REC114: variants seen among roughly 807,000 people sequenced by gnomAD.
REC114 encodes meiotic recombination protein REC114.
A neutral mutation model predicts 31.3 loss-of-function variants in REC114; 27 were observed. The ratio of observed to expected loss-of-function variants is 0.86; its 90% CI spans 0.64 to 1.19. REC114 has a LOEUF of 1.19. Ranked by LOEUF, REC114 falls within the 50% of genes most tolerant of loss-of-function variation. The pLI is 0.00. For synonymous variants in REC114, 134 were observed against 127.7 expected, an observed-to-expected ratio of 1.05 and a Z score of -0.33; for missense variants, 344 against 326.9, an observed-to-expected ratio of 1.05 and a Z score of -0.40.
chr15:73,471,890 T>C (rs973731431), intron 1 of REC114, among the ~76,000 whole-genome samples: 1 of 152,162 alleles, frequency 6.6e-6, no homozygotes, highest in Admixed American at 6.5e-5. Flanking sequence ...AATAATTCTT[T>C]ATGATTCCAC....
At chr15:73,528,944 C>G (rs1270355315) in intron 2 of REC114, among the ~76,000 whole-genome samples, 2 of 151,986 alleles carry the variant, frequency 1.3e-5, no homozygotes, top group Non-Finnish European at 2.9e-5. Context: ...TGACAAGTAT[C>G]ACAATATGTG....
chr15:73,481,916 C>G (rs1358764005), intron 2 of REC114, among the ~76,000 whole-genome samples: 3 of 152,056 alleles, frequency 2.0e-5, no homozygotes, highest in Admixed American at 6.6e-5. Context: ...ACCTCGGCCT[C>G]CCAAAGTGCT....
chr15:73,553,072 C>T (rs1894414184), intron 4 of REC114, among the ~76,000 whole-genome samples: 1 of 152,208 alleles, frequency 6.6e-6, no homozygotes, highest in African/African-American at 2.4e-5. Flanking sequence ...TCCTCGGCCT[C>T]CCAAAGTGCT....
At chr15:73,452,784 T>G (rs1892868614) in intron 1 of REC114, among the ~76,000 whole-genome samples, 1 of 151,920 alleles carries the variant, frequency 6.6e-6, no homozygotes, top group Non-Finnish European at 1.5e-5. Flanking sequence ...CCAAAACAGA[T>G]ATATAGACCA....
At chr15:73,496,980 A>G (rs917702075) in intron 2 of REC114, among the ~76,000 whole-genome samples, 3 of 150,550 alleles carry the variant, frequency 2.0e-5, no homozygotes, top group Non-Finnish European at 4.4e-5. Flanking sequence ...CTAGCCAGTT[A>G]CCTTGTGAAG....
intron 2 of REC114, among the ~76,000 whole-genome samples, chr15:73,526,092 C>T (rs1355489234): frequency 2.6e-5 from 4 of 152,092 alleles, no homozygotes; most frequent in Admixed American, 2.6e-4. Context: ...TCCTTTTTAT[C>T]TCTGGTAATG....
intron 1 of REC114, among the ~76,000 whole-genome samples, chr15:73,461,922 C>CTTTTT (rs961387922): frequency 4.6e-4 from 36 of 78,196 alleles, no homozygotes; most frequent in Non-Finnish European, 8.9e-4. Context: ...TTTTTCTTTT[C>CTTTTT]TTTTTTTTTT....
At chr15:73,485,327 C>G (rs1893350280) in intron 2 of REC114, among the ~76,000 whole-genome samples, 1 of 152,148 alleles carries the variant, frequency 6.6e-6, no homozygotes, top group Admixed American at 6.5e-5. Context: ...CGTGATCTGC[C>G]TGCTTCAGCC....
intron 5 of REC114, among the ~76,000 whole-genome samples, chr15:73,558,458 T>G (rs550955836): frequency 9.9e-5 from 15 of 152,170 alleles, no homozygotes; most frequent in Non-Finnish European, 2.2e-4. Flanking sequence ...ATTTGAACTC[T>G]CCTAATATTT....
intron 2 of REC114, among the ~76,000 whole-genome samples, chr15:73,538,455 C>CT (rs34642401): frequency 0.37 from 45,844 of 123,930 alleles, 9,911 homozygotes; most frequent in East Asian, 0.46. Flanking sequence ...AATTCTATTT[C>CT]TTTTTTTTTT....
chr15:73,507,750 TTTG>T (rs1893701302), intron 2 of REC114, among the ~76,000 whole-genome samples: 1 of 152,184 alleles, frequency 6.6e-6, no homozygotes, highest in Admixed American at 6.5e-5. Flanking sequence ...ATGACAAATT[TTTG>T]TTTTAACAAA....
At chr15:73,550,867 C>G in intron 3 of REC114, 71 bp from the exon 4 acceptor site, 2 of 1,426,760 alleles carry the variant, frequency 1.4e-6, no homozygotes, top group Non-Finnish European at 2.0e-6. Context: ...AGGAAACACT[C>G]AGTGGAAGAC....
At chr15:73,455,912 G>C (rs1024885709) in intron 1 of REC114, among the ~76,000 whole-genome samples, 11 of 152,206 alleles carry the variant, frequency 7.2e-5, no homozygotes, top group African/African-American at 1.9e-4. Context: ...AGGTGACACA[G>C]ATGCTGTTGG....
At chr15:73,531,558 C>G (rs888510136) in intron 2 of REC114, among the ~76,000 whole-genome samples, 2 of 152,150 alleles carry the variant, frequency 1.3e-5, no homozygotes, top group Non-Finnish European at 2.9e-5. Flanking sequence ...TCAGGCTGTG[C>G]CAGAACTGGG....
intron 4 of REC114, among the ~76,000 whole-genome samples, chr15:73,553,832 A>C (rs1295049810): frequency 6.6e-6 from 1 of 152,134 alleles, no homozygotes; most frequent in Non-Finnish European, 1.5e-5. Flanking sequence ...TAATTGGGTG[A>C]TTTGACTAAG....
intron 2 of REC114, among the ~76,000 whole-genome samples, chr15:73,479,027 G>C (rs1893255625): frequency 6.6e-6 from 1 of 151,980 alleles, no homozygotes. Flanking sequence ...CTTTCAATCT[G>C]TATACTCTCC....
chr15:73,535,619 C>T (rs926564748), intron 2 of REC114, among the ~76,000 whole-genome samples: 1 of 146,102 alleles, frequency 6.8e-6, no homozygotes, highest in Non-Finnish European at 1.5e-5. Flanking sequence ...TTTACAGATT[C>T]AATGCCATCC....
chr15:73,465,155 G>C (rs147365226), intron 1 of REC114, among the ~76,000 whole-genome samples: 11,979 of 152,196 alleles, frequency 0.079, 651 homozygotes, highest in African/African-American at 0.14. Context: ...GCCTCCCAAA[G>C]TGCTGGGCTT....
intron 2 of REC114, among the ~76,000 whole-genome samples, chr15:73,477,183 T>G (rs533195231): frequency 1.3e-5 from 2 of 152,254 alleles, no homozygotes; most frequent in Non-Finnish European, 2.9e-5. Flanking sequence ...TTCGTGTCTT[T>G]TAACCATTGA....
Sources: gnomAD v4.1 joint callset for allele counts (sites outside exome capture counted in the v4.1 genomes callset) on GRCh38, gnomAD v4.1.1 for gene constraint, MANE v1.5 for transcripts, NCBI Gene and HGNC (gene_info 2026-07-23, HGNC 2026-07-21) for gene names.